Variants in IQSEC1 observed in about 807,000 individuals in gnomAD.
IQSEC1 encodes the protein IQ motif and SEC7 domain-containing protein 1.
A neutral mutation model predicts 91.0 loss-of-function variants in IQSEC1; 31 were observed. That is an observed-to-expected ratio of 0.34 (90% CI 0.26 to 0.46). The LOEUF (loss-of-function observed/expected upper bound fraction) is 0.46. IQSEC1 is among the 20% of genes least tolerant of loss of function. The probability of loss-of-function intolerance (pLI) is 1.00; values close to 1 mark genes in which losing one functional copy is unlikely to be tolerated. For missense variants in IQSEC1, 1,388 were observed against 1,575.6 expected, an observed-to-expected ratio of 0.88 and a Z score of 2.02; for synonymous variants, 699 against 662.6, an observed-to-expected ratio of 1.05 and a Z score of -0.84.
chr3:13,029,967 C>CTTTA (rs1332963064), intron 1 of IQSEC1, among the ~76,000 whole-genome samples: 4 of 152,182 alleles, frequency 2.6e-5, no homozygotes, highest in Admixed American at 6.5e-5. Flanking sequence ...CTCGTCCCAC[C>CTTTA]TTTATTTATT....
At chr3:13,045,740 C>T (rs998178467) in intron 1 of IQSEC1, among the ~76,000 whole-genome samples, 4 of 152,226 alleles carry the variant, frequency 2.6e-5, no homozygotes, top group Non-Finnish European at 4.4e-5. Context: ...CAGTGGCGCC[C>T]GTGGCATGGG....
At chr3:13,238,542 C>T (rs1311471937) in intron 1 of IQSEC1, among the ~76,000 whole-genome samples, 3 of 152,226 alleles carry the variant, frequency 2.0e-5, no homozygotes, top group South Asian at 2.1e-4. Context: ...TGTCATCCAT[C>T]CTTCCCAGTA....
chr3:13,179,874 G>A (rs1020822659), intron 1 of IQSEC1, among the ~76,000 whole-genome samples: 6 of 152,204 alleles, frequency 3.9e-5, no homozygotes, highest in African/African-American at 1.2e-4. Context: ...CGCCAGCCCC[G>A]GGCAGTGAGG....
intron 1 of IQSEC1, among the ~76,000 whole-genome samples, chr3:13,261,600 A>C (rs1695387934): frequency 2.1e-5 from 3 of 145,068 alleles, no homozygotes; most frequent in African/African-American, 7.7e-5. Flanking sequence ...CCCATCCCCC[A>C]CCCCCGTCAT....
At chr3:13,053,061 C>T (rs973150648) in intron 1 of IQSEC1, 43 of 1,089,554 alleles carry the variant, frequency 3.9e-5, no homozygotes, top group Admixed American at 1.0e-4. Context: ...GGGAATGGGA[C>T]GATTTTGCTT....
In IQSEC1 at chr3:13,211,538, C is replaced by T. The variant is rs527723334; in HGVS notation, c.273-47405G>A. ...TTTTGGGAGCAGTGTCTTCAGCCACCTCCCTGGACGCCCTTCCCCTAGTAG... is the reference window on the plus strand; with the variant it reads ...TTTTGGGAGCAGTGTCTTCAGCCACTTCCCTGGACGCCCTTCCCCTAGTAG... On this transcript the variant is annotated intron_variant, in intron 1 of 15. Coordinates refer to the IQSEC1 transcript ENST00000648114. This position sits in a 1 kb window ranked among gnomAD's most constrained non-coding sequence, Gnocchi z 5.3. 6.6e-6 allele frequency among the ~76,000 whole-genome samples: 1 copy of T among 152,272 alleles called. No individual in the cohort carries two copies. The highest frequency in any genetic ancestry group is 1.9e-4 in the East Asian group (1 of 5,162).
chr3:13,095,451 C>G (rs1169647503), intron 2 of IQSEC1, among the ~76,000 whole-genome samples: 1 of 152,106 alleles, frequency 6.6e-6, no homozygotes, highest in African/African-American at 2.4e-5. Context: ...ACAGCAGCAC[C>G]GGGGGCTGAT....
intron 2 of IQSEC1, among the ~76,000 whole-genome samples, chr3:13,119,303 G>A (rs750919758): frequency 3.3e-5 from 5 of 152,136 alleles, no homozygotes; most frequent in Admixed American, 6.5e-5. Context: ...GGGCCTCAAG[G>A]ATCTGAGGAG....
chr3:12,960,268 G>T (rs577225522), intron 1 of IQSEC1: 1 of 152,174 alleles, frequency 6.6e-6, no homozygotes, highest in African/African-American at 2.4e-5. Flanking sequence ...TCTGAGGATC[G>T]TTCTTAGCCC....
intron 1 of IQSEC1, among the ~76,000 whole-genome samples, chr3:13,044,686 C>T (rs1161337185): frequency 6.6e-6 from 1 of 152,212 alleles, no homozygotes; most frequent in Non-Finnish European, 1.5e-5. Context: ...CCACTCCTCC[C>T]CCGCCCCCCC....
intron 1 of IQSEC1, among the ~76,000 whole-genome samples, chr3:13,035,518 A>T (rs985429608): frequency 6.6e-6 from 1 of 152,078 alleles, no homozygotes; most frequent in Non-Finnish European, 1.5e-5. Flanking sequence ...TTACTCCATT[A>T]AGAAAAAGAA....
chr3:13,143,554 T>G (rs991521555), intron 2 of IQSEC1, among the ~76,000 whole-genome samples: 10 of 152,198 alleles, frequency 6.6e-5, no homozygotes, highest in African/African-American at 2.4e-4. Context: ...CTGGAGACAG[T>G]GGCCACATGA....
At position 12,899,812 on chromosome 3, in the gene IQSEC1, G is replaced by GT; in HGVS notation, c.*1170dup. ...AACACTCTCTGAGGGCTTCGGCCTG[G>GT]TGTGGGTTGGAGGCGGGATGAGGAC... On this transcript the variant is annotated 3_prime_UTR_variant, in exon 14 of 14. Transcript: ENST00000613206. The GT allele has an allele frequency of 1.0e-6, 1 of 985,422 alleles. No homozygotes were observed. The highest frequency in any genetic ancestry group is 5.2e-4 in the Middle Eastern group (1 of 1,914). 61.0% of individuals were successfully genotyped at this position (985,422 alleles called of 1,614,324 possible).
chr3:13,263,436 G>GC (rs1201448492), intron 1 of IQSEC1, among the ~76,000 whole-genome samples: 5 of 126,508 alleles, frequency 4.0e-5, no homozygotes, highest in Non-Finnish European at 8.5e-5. Context: ...TTGGGGGGGG[G>GC]GGGAAAGTAC....
At chr3:13,038,260 GTGTATATA>G (rs1259148840) in intron 1 of IQSEC1, among the ~76,000 whole-genome samples, 89 of 62,372 alleles carry the variant, frequency 1.4e-3, no homozygotes, top group African/African-American at 4.1e-3. Context: ...GTGTGTGTGT[GTGTATATA>G]TATATATATA....
Position 12,967,788 on chromosome 3 carries a change from G to A in IQSEC1, c.24-25923C>T. 2.8e-6 allele frequency: 2 copies of A among 725,356 alleles called. No individual in the cohort carries two copies. The highest frequency in any genetic ancestry group is 3.4e-6 in the Non-Finnish European group (2 of 587,232). The allele number at this position is 725,356 out of a possible 1,614,324, so 44.9% of individuals were successfully genotyped here. On this transcript the variant is annotated intron_variant, in intron 1 of 13. Coordinates refer to ENST00000613206, the MANE Select transcript of IQSEC1 (RefSeq NM_001134382.3). This position sits in a 1 kb window ranked among gnomAD's most constrained non-coding sequence, Gnocchi z 5.9. ...CGAGCTGGGGGCGGGGCCGGAGGGCGAGCTGGGGGCGGGGCTGCGCGCGGG... is the reference window on the plus strand; with the variant it reads ...CGAGCTGGGGGCGGGGCCGGAGGGCAAGCTGGGGGCGGGGCTGCGCGCGGG...
rs140206297 is a variant in IQSEC1, at chr3:13,280,973, AG to A, written c.272+1737del. On this transcript the variant is annotated intron_variant, in intron 1 of 15. Transcript: ENST00000648114. The stretch of plus-strand genomic sequence containing the variant: ...CAAGGCGGCTGCCTGGATGCAACCC[AG>A]GGGGATGCCCCACGGAAGGACGACG... Among the ~76,000 whole-genome samples, 684 of 152,328 alleles carry A rather than the reference AG, an allele frequency of 4.5e-3. 7 individuals are homozygous for A. Among genetic ancestry groups the A allele is most frequent in the African/African-American group, 0.016 (645 of 41,586 alleles).
Position 13,211,359 on chromosome 3 carries a change from A to C in IQSEC1, c.273-47226T>G, listed in dbSNP as rs546020365. ...TTCTAATAGCGTGCCCATGAAATTT[A>C]CTGAATTAGGAAGGGAGGGAGGAAA... is the stretch of plus-strand genomic sequence containing the variant. On this transcript the variant is annotated intron_variant, in intron 1 of 15. Transcript: ENST00000648114. This position sits in a 1 kb window ranked among gnomAD's most constrained non-coding sequence, Gnocchi z 5.3. Among the ~76,000 whole-genome samples the C allele has an allele frequency of 6.6e-6, 1 of 152,242 alleles. No individual in the cohort carries two copies. Among genetic ancestry groups the C allele is most frequent in the Admixed American group, 6.5e-5 (1 of 15,302 alleles).
At chr3:13,239,498 C>T (rs1028023879) in intron 1 of IQSEC1, among the ~76,000 whole-genome samples, 6 of 152,258 alleles carry the variant, frequency 3.9e-5, no homozygotes, top group Non-Finnish European at 7.3e-5. Context: ...TCTGGGTCCT[C>T]CTGGCCGTGA....
Sources: allele counts gnomAD v4.1 joint callset (sites outside exome capture counted in the v4.1 genomes callset), GRCh38; gene constraint gnomAD v4.1.1; non-coding constraint Gnocchi (gnomAD v3.1); transcripts MANE v1.5; gene names NCBI Gene and HGNC (gene_info 2026-07-23, HGNC 2026-07-21).